Variants in SLC6A4 observed in about 807,000 individuals in gnomAD.
SLC6A4 encodes solute carrier family 6 member 4.
In SLC6A4, 22 loss-of-function variants were observed where a neutral mutation model predicts 73.4. The observed-to-expected ratio is 0.30, with a 90% CI of 0.21 to 0.43. The LOEUF is 0.43. SLC6A4 is among the 20% of genes least tolerant of loss of function. The pLI, the probability that SLC6A4 is intolerant of heterozygous loss-of-function variation, is 1.00. For missense variants in SLC6A4, 593 were observed against 808.5 expected (o/e 0.73, Z 3.23); for synonymous variants, 270 against 315.5 (o/e 0.86, Z 1.53).
Position 30,221,851 on chromosome 17 carries a change from G to C in SLC6A4, c.108C>G (p.Asp36Glu). The C allele has an allele frequency of 6.2e-7, 1 of 1,614,186 alleles. No individual in the cohort carries two copies. Residue 36 changes from aspartate to glutamate, a missense_variant, in exon 3 of 15, where the codon GAC becomes GAG. By Grantham distance (45) the Asp-to-Glu change is conservative. Transcript: ENST00000650711. ...VLQKVVPTPG[D>E]KVESGQISNG... ...TGGATATTTGCCCGGACTCCACTTTGTCCCCTGGGGTGGGAACAACCTTCT... is the reference window on the plus strand; with the variant it reads ...TGGATATTTGCCCGGACTCCACTTTCTCCCCTGGGGTGGGAACAACCTTCT...
At position 30,218,126 on chromosome 17, in the gene SLC6A4, T is replaced by C; in HGVS notation, c.690A>G (p.Glu230=). ...WTLHSTSPAE[E]FYTRHVLQIH... ...CACTTACGTGCACTTACGTGTAAAA[T>C]TCTTCAGCAGGGGACGTGGAATGGA... is the stretch of plus-strand genomic sequence containing the variant. The change falls in exon 5 of 15, where the codon GAA becomes GAG. Residue 230 remains glutamate (E), a synonymous_variant. Transcript: ENST00000650711. 1 of 1,614,072 alleles carries C rather than the reference T, an allele frequency of 6.2e-7. No homozygotes were observed. The highest frequency in any genetic ancestry group is 8.5e-7 in the Non-Finnish European group (1 of 1,179,914).
Position 30,210,652 on chromosome 17 carries a change from A to G in SLC6A4, c.1318-6T>C. 1 of 1,609,624 alleles carries G rather than the reference A, an allele frequency of 6.2e-7. No individual in the cohort carries two copies. Among genetic ancestry groups the G allele is most frequent in the Non-Finnish European group, 8.5e-7 (1 of 1,177,744 alleles). Reference sequence around the variant, plus strand: ...ACCCCCTCCAAGCCTGCAAACTGAGAGGTACAGGCAAGCAGTCACGGTGGA... The same window carrying G: ...ACCCCCTCCAAGCCTGCAAACTGAGGGGTACAGGCAAGCAGTCACGGTGGA... On this transcript the variant is annotated splice_polypyrimidine_tract_variant and splice_region_variant and intron_variant, in intron 10 of 14. Transcript: ENST00000650711.
Position 30,221,960 on chromosome 17 carries a change from C to T in SLC6A4, c.-2G>A. On this transcript the variant is annotated 5_prime_UTR_variant, in exon 3 of 15. Transcript: ENST00000650711. ...AGAATTCAAGGGCGTCGTCTCCATC[C>T]TGCTGGTTAGTAAATGACACTGATG... The T allele has an allele frequency of 6.2e-7, 1 of 1,614,018 alleles. No individual in the cohort carries two copies. Among genetic ancestry groups the T allele is most frequent in the Non-Finnish European group, 8.5e-7 (1 of 1,180,034 alleles).
rs181611242 is a variant in SLC6A4 at position 30,200,970 on chromosome 17, C to T, written c.1818+2202G>A. Among the ~76,000 whole-genome samples the T allele has an allele frequency of 1.0e-3, 153 of 152,042 alleles. 2 individuals carry two copies. The Middle Eastern group carries it at 0.01, about 10-fold the overall frequency. On this transcript the variant is annotated intron_variant, in intron 14 of 14. Coordinates refer to ENST00000650711, the MANE Select transcript of SLC6A4 (RefSeq NM_001045.6). ...CTAATTTTTGCATTTTTAGTAGAGA[C>T]GGGGGTTTCACCATGTTGGCTAGGC...
At position 30,210,621 on chromosome 17, in the gene SLC6A4, G is replaced by A. The variant is rs750079448; in HGVS notation, c.1343C>T (p.Thr448Met). The change falls in exon 11 of 15, where the codon ACG (threonine) becomes ATG (methionine). Residue 448 changes from threonine (T) to methionine (M), a missense_variant. Transcript: ENST00000650711. ...STFAGLEGVI[T>M]AVLDEFPHVW... Reference sequence around the variant, plus strand: ...GTGTGGGAACTCATCCAGCACAGCCGTGATCACCCCCTCCAAGCCTGCAAA... The same window carrying A: ...GTGTGGGAACTCATCCAGCACAGCCATGATCACCCCCTCCAAGCCTGCAAA... The A allele has an allele frequency of 2.5e-6, 4 of 1,613,158 alleles. No individual in the cohort carries two copies. The highest frequency in any genetic ancestry group is 1.7e-4 in the Middle Eastern group (1 of 6,012).
chr17:30,198,567 G>T, intron 14 of SLC6A4, 37 bp from the exon 15 acceptor site: 1 of 1,242,570 alleles, frequency 8.0e-7, no homozygotes, highest in Non-Finnish European at 1.2e-6. Flanking sequence ...AAACATCCTT[G>T]TAATTTTTAA....
intron 1 of SLC6A4, among the ~76,000 whole-genome samples, chr17:30,233,930 G>C (rs1036971151): frequency 6.6e-6 from 1 of 152,260 alleles, no homozygotes; most frequent in East Asian, 1.9e-4. Context: ...GGAGTTACCT[G>C]TGTTTCTGTT....
intron 3 of SLC6A4, among the ~76,000 whole-genome samples, chr17:30,219,556 T>G (rs899477107): frequency 2.6e-5 from 4 of 152,238 alleles, no homozygotes; most frequent in Non-Finnish European, 5.9e-5. Context: ...ACATGATTAT[T>G]GATATTTGGC....
intron 1 of SLC6A4, among the ~76,000 whole-genome samples, chr17:30,230,095 AG>A (rs1907051582): frequency 8.5e-6 from 1 of 118,226 alleles, no homozygotes; most frequent in African/African-American, 3.7e-5. Flanking sequence ...AAGAAGAAGA[AG>A]AGGAGGAAGA....
In SLC6A4 at chr17:30,198,450, A is replaced by G. The variant is rs1567813810; in HGVS notation, c.*6T>C. ...TGGAGAAGCCTTTTTCCTCTCGGTG[A>G]GTGTGTTACACAGCATTCAAGCGGA... On this transcript the variant is annotated 3_prime_UTR_variant, in exon 15 of 15. Coordinates refer to ENST00000650711, the MANE Select transcript of SLC6A4 (RefSeq NM_001045.6). 7 of 1,568,982 alleles carry G rather than the reference A, an allele frequency of 4.5e-6. No individual in the cohort carries two copies. The highest frequency in any genetic ancestry group is 5.2e-6 in the Non-Finnish European group (6 of 1,144,484).
intron 13 of SLC6A4, among the ~76,000 whole-genome samples, chr17:30,205,326 TA>T (rs1906158098): frequency 6.6e-6 from 1 of 152,120 alleles, no homozygotes; most frequent in South Asian, 2.1e-4. Flanking sequence ...GGGGAATAAA[TA>T]TGGAAGTAAA....
rs1484118387 is a variant in SLC6A4, at chr17:30,194,930, CTG to C, written c.*3524_*3525del. ...TGACGAGGTCCTTCACCAATGCACA[CTG>C]TCTCCAAATTAGAGTTGGCTGGTGA... On this transcript the variant is annotated 3_prime_UTR_variant, in exon 15 of 15. Transcript: ENST00000650711. 1.3e-5 allele frequency: 2 copies of C among 152,192 alleles called. No homozygotes were observed. The highest frequency in any genetic ancestry group is 2.9e-5 in the Non-Finnish European group (2 of 68,026). 9.4% of individuals were successfully genotyped at this position (152,192 alleles called of 1,614,324 possible).
chr17:30,218,093 C>T (rs372346516), intron 5 of SLC6A4, 25 bp downstream of exon 5: 6 of 1,602,896 alleles, frequency 3.7e-6, no homozygotes, highest in Non-Finnish European at 5.1e-6. Flanking sequence ...CCTAACAGGC[C>T]AACCCCTCAC....
At chr17:30,220,598 G>A (rs145617908) in intron 3 of SLC6A4, among the ~76,000 whole-genome samples, 1 of 152,280 alleles carries the variant, frequency 6.6e-6, no homozygotes, top group African/African-American at 2.4e-5. Context: ...GCCCAGACTG[G>A]TAATTAAGAT....
intron 8 of SLC6A4, among the ~76,000 whole-genome samples, chr17:30,214,106 G>T (rs576850197): frequency 6.6e-6 from 1 of 152,164 alleles, no homozygotes; most frequent in Non-Finnish European, 1.5e-5. Context: ...TAAAATTTCT[G>T]AAATAGGATT....
intron 1 of SLC6A4, among the ~76,000 whole-genome samples, chr17:30,234,789 T>C (rs930067391): frequency 6.6e-6 from 1 of 152,220 alleles, no homozygotes; most frequent in Non-Finnish European, 1.5e-5. Flanking sequence ...ACAAAGTCTT[T>C]GTAATGTCTG....
intron 8 of SLC6A4, among the ~76,000 whole-genome samples, chr17:30,214,250 C>T (rs1906478115): frequency 1.3e-5 from 2 of 151,438 alleles, no homozygotes; most frequent in South Asian, 4.2e-4. Flanking sequence ...TGGAGAAACC[C>T]CATCTCTACT....
At chr17:30,199,858 C>T (rs1905977744) in intron 14 of SLC6A4, among the ~76,000 whole-genome samples, 1 of 151,958 alleles carries the variant, frequency 6.6e-6, no homozygotes, top group Non-Finnish European at 1.5e-5. Context: ...AGAATTATGG[C>T]TTGTTAGTTG....
At chr17:30,234,454 A>G (rs1907210252) in intron 1 of SLC6A4, among the ~76,000 whole-genome samples, 1 of 152,192 alleles carries the variant, frequency 6.6e-6, no homozygotes, top group Non-Finnish European at 1.5e-5. Context: ...TGGAACGGTC[A>G]CTGCCACCCC....
Sources: allele counts gnomAD v4.1 joint callset (sites outside exome capture counted in the v4.1 genomes callset), GRCh38; gene constraint gnomAD v4.1.1; transcripts MANE v1.5; gene names NCBI Gene and HGNC (gene_info 2026-07-23, HGNC 2026-07-21).